ERGIC1: variants seen among roughly 807,000 people sequenced by gnomAD.
ERGIC1 encodes endoplasmic reticulum-golgi intermediate compartment 1, also known as endoplasmic reticulum-Golgi intermediate compartment protein 1.
A neutral mutation model predicts 38.3 loss-of-function variants in ERGIC1; 19 were observed. The observed-to-expected ratio is 0.50, with a 90% confidence interval of 0.35 to 0.73. The LOEUF (loss-of-function observed/expected upper bound fraction) is 0.73. Among genes scored for constraint, ERGIC1 ranks in the 30% least tolerant of loss-of-function variants. The pLI is 0.01. For missense variants in ERGIC1, 294 were observed against 389.2 expected (o/e 0.76, Z 2.06); for synonymous variants, 124 against 157.6 (o/e 0.79, Z 1.60).
chr5:172,932,577 C>T, intron 8 of ERGIC1, 41 bp downstream of exon 8: 1 of 1,592,020 alleles, frequency 6.3e-7, no homozygotes, highest in South Asian at 1.1e-5. Flanking sequence ...TGCGGCGGCG[C>T]CCTCTGCTGA....
Position 172,926,177 on chromosome 5 carries a change from AC to A in ERGIC1, c.481-330del, listed in dbSNP as rs1245062606. On this transcript the variant is annotated intron_variant, in intron 6 of 9. Transcript: ENST00000393784. The surrounding 1 kb of genome is among the most constrained non-coding windows in gnomAD (Gnocchi z 5.2). The stretch of plus-strand genomic sequence containing the variant: ...ATTTCAGAGTTTAGCTTAGCCACTT[AC>A]CAGCCGGGCAAGTTTTGGTGTCTTT... Among the ~76,000 whole-genome samples, 5 of 152,218 alleles carry A rather than the reference AC, an allele frequency of 3.3e-5. No homozygotes were observed. The highest frequency in any genetic ancestry group is 7.3e-5 in the Non-Finnish European group (5 of 68,032).
chr5:172,876,849 G>A (rs952007934), intron 1 of ERGIC1, among the ~76,000 whole-genome samples: 2 of 152,062 alleles, frequency 1.3e-5, no homozygotes, highest in African/African-American at 4.8e-5. Flanking sequence ...CTGCCATTCA[G>A]CATAATTATC....
intron 1 of ERGIC1, among the ~76,000 whole-genome samples, chr5:172,859,631 CT>C (rs1761646422): frequency 1.3e-5 from 2 of 152,212 alleles, no homozygotes; most frequent in Admixed American, 6.5e-5. Context: ...TCTTTGCCAC[CT>C]CTGAGGGAAT....
rs58360974 is a variant in ERGIC1 at position 172,910,520 on chromosome 5, C to CTTTTTTTTT, written c.250+772_250+780dup. 1.2e-4 allele frequency among the ~76,000 whole-genome samples: 16 copies of CTTTTTTTTT among 139,032 alleles called. 1 individual carries two copies. Among genetic ancestry groups the CTTTTTTTTT allele is most frequent in the African/African-American group, 4.5e-4 (16 of 35,546 alleles). 91.2% of individuals were successfully genotyped at this position (139,032 alleles called of 152,430 possible). ...TTTTAACCAAAAGAATGAATTACTT[C>CTTTTTTTTT]TTTTTTTTTTTTTTTTTTTTTGAGA... is the stretch of plus-strand genomic sequence containing the variant. On this transcript the variant is annotated intron_variant, in intron 4 of 9. Coordinates refer to ENST00000393784, the MANE Select transcript of ERGIC1 (RefSeq NM_001031711.3).
chr5:172,902,722 C>G (rs1762915460), intron 3 of ERGIC1, among the ~76,000 whole-genome samples: 1 of 152,126 alleles, frequency 6.6e-6, no homozygotes, highest in African/African-American at 2.4e-5. Flanking sequence ...AAACTCAAGG[C>G]TCCGGAGCAC....
At chr5:172,867,700 T>C (rs1761903016) in intron 1 of ERGIC1, 1 of 256,622 alleles carries the variant, frequency 3.9e-6, no homozygotes, top group Non-Finnish European at 8.0e-6. Flanking sequence ...TGCTGGGCAG[T>C]GGGTCTAGAT....
At chr5:172,840,855 C>G (rs1761141527) in intron 1 of ERGIC1, among the ~76,000 whole-genome samples, 1 of 152,216 alleles carries the variant, frequency 6.6e-6, no homozygotes, top group Non-Finnish European at 1.5e-5. Flanking sequence ...TTCATGTATT[C>G]ATTAAAATGT....
At position 172,926,617 on chromosome 5, in the gene ERGIC1, C is replaced by T. The variant is rs768362179; in HGVS notation, c.541+48C>T. On this transcript the variant is annotated intron_variant, in intron 7 of 9. Transcript: ENST00000393784. The surrounding 1 kb of genome is among the most constrained non-coding windows in gnomAD (Gnocchi z 5.2). ...GCCTTCTGCTCCAAGATGCCCAGTA[C>T]AGCAGGCAGGGAGGGGGAGGGCAGA... is the stretch of plus-strand genomic sequence containing the variant. 1.2e-6 allele frequency: 2 copies of T among 1,601,660 alleles called. No homozygotes were observed. Among genetic ancestry groups the T allele is most frequent in the Non-Finnish European group, 1.7e-6 (2 of 1,175,256 alleles).
At chr5:172,899,340 C>CG (rs1762814066) in intron 3 of ERGIC1, among the ~76,000 whole-genome samples, 1 of 113,972 alleles carries the variant, frequency 8.8e-6, no homozygotes, top group Non-Finnish European at 1.7e-5. Context: ...TTTTTGGAGA[C>CG]GGAGTCTCGC....
At chr5:172,889,315 A>C (rs1367181568) in intron 2 of ERGIC1, among the ~76,000 whole-genome samples, 1 of 152,020 alleles carries the variant, frequency 6.6e-6, no homozygotes, top group Non-Finnish European at 1.5e-5. Flanking sequence ...CTGGGAGAGG[A>C]ATTGGGCCCA....
At chr5:172,895,423 C>G (rs74597493) in intron 2 of ERGIC1, among the ~76,000 whole-genome samples, 2 of 152,038 alleles carry the variant, frequency 1.3e-5, no homozygotes, top group Non-Finnish European at 2.9e-5. Context: ...TGAGCTCTTG[C>G]CCACTAAGTG....
chr5:172,843,371 G>A (rs1265145485), intron 1 of ERGIC1, among the ~76,000 whole-genome samples: 4 of 152,058 alleles, frequency 2.6e-5, no homozygotes, highest in Non-Finnish European at 5.9e-5. Flanking sequence ...CTGGTGAGGT[G>A]CAGAGCTGGG....
chr5:172,864,585 G>T lies in ERGIC1; in HGVS notation c.21-24114G>T, dbSNP rs567901084. On this transcript the variant is annotated intron_variant, in intron 1 of 9. Coordinates refer to ENST00000393784, the MANE Select transcript of ERGIC1 (RefSeq NM_001031711.3). Reference sequence around the variant, plus strand: ...GGATGGGATGGAGATGGGTCAAAATGGAAAGTGCAGACAGAAGAGGAATAT... The same window carrying T: ...GGATGGGATGGAGATGGGTCAAAATTGAAAGTGCAGACAGAAGAGGAATAT... Among the ~76,000 whole-genome samples, 7 of 151,890 alleles carry T rather than the reference G, an allele frequency of 4.6e-5. No homozygotes were observed. The South Asian group carries it at 1.0e-3, about 23-fold the overall frequency.
At chr5:172,950,045 C>A (rs1187439366) in intron 9 of ERGIC1, among the ~76,000 whole-genome samples, 1 of 152,118 alleles carries the variant, frequency 6.6e-6, no homozygotes, top group Non-Finnish European at 1.5e-5. Context: ...TGCACTCCAG[C>A]CTGGAAGACA....
In ERGIC1 at chr5:172,871,097, A is replaced by G. The variant is rs572837731; in HGVS notation, c.21-17602A>G. Among the ~76,000 whole-genome samples, 21 of 152,370 alleles carry G rather than the reference A, an allele frequency of 1.4e-4. No individual in the cohort carries two copies. In the South Asian group the frequency reaches 4.3e-3, roughly 32 times the overall value. On this transcript the variant is annotated intron_variant, in intron 1 of 9. Coordinates refer to ENST00000393784, the MANE Select transcript of ERGIC1 (RefSeq NM_001031711.3). ...TTGTGAATGCAGTCCACGCATGCTC[A>G]GTGACATCAATCATCGCATGTGCCC...
chr5:172,874,262 G>A (rs1447797885), intron 1 of ERGIC1, among the ~76,000 whole-genome samples: 2 of 152,072 alleles, frequency 1.3e-5, no homozygotes, highest in African/African-American at 4.8e-5. Context: ...TGTATTTTTA[G>A]TAGAGACGGG....
chr5:172,922,691 G>A (rs950284488), intron 5 of ERGIC1, among the ~76,000 whole-genome samples: 5 of 152,260 alleles, frequency 3.3e-5, no homozygotes, highest in Non-Finnish European at 7.3e-5. Flanking sequence ...GAGGCCAAGC[G>A]GTGGGGACAC....
At chr5:172,916,912 G>C (rs999016245) in intron 5 of ERGIC1, 6 of 152,238 alleles carry the variant, frequency 3.9e-5, no homozygotes, top group African/African-American at 1.4e-4. Flanking sequence ...ATGAACCCGG[G>C]AGGTGGAGCT....
intron 1 of ERGIC1, among the ~76,000 whole-genome samples, chr5:172,882,666 G>A (rs116038884): frequency 3.9e-4 from 59 of 152,272 alleles, no homozygotes; most frequent in African/African-American, 1.3e-3. Context: ...GCATAGAATG[G>A]AAGTGATTAT....
Sources: allele counts gnomAD v4.1 joint callset (sites outside exome capture counted in the v4.1 genomes callset), GRCh38; gene constraint gnomAD v4.1.1; non-coding constraint Gnocchi (gnomAD v3.1); transcripts MANE v1.5; gene names NCBI Gene and HGNC (gene_info 2026-07-23, HGNC 2026-07-21).